Variants in STXBP4 observed in about 807,000 individuals in gnomAD.
The protein encoded by STXBP4 is syntaxin-binding protein 4.
Under a neutral mutation model 76.1 loss-of-function variants are expected in STXBP4, and 55 were observed. That is an observed-to-expected ratio of 0.72 (90% CI 0.58 to 0.91). The LOEUF (loss-of-function observed/expected upper bound fraction) is 0.91. STXBP4 is among the 40% of genes least tolerant of loss of function. The pLI, the probability that STXBP4 is intolerant of heterozygous loss-of-function variation, is 0.00. For missense variants in STXBP4, 618 were observed against 636.9 expected (o/e 0.97, Z 0.32); for synonymous variants, 201 against 220.2 (o/e 0.91, Z 0.77).
intron 8 of STXBP4, among the ~76,000 whole-genome samples, chr17:55,011,896 G>A (rs1459040411): frequency 2.6e-5 from 4 of 152,058 alleles, no homozygotes; most frequent in African/African-American, 7.2e-5. Context: ...GCCGACGACC[G>A]CTCTAACTGC....
intron 8 of STXBP4, among the ~76,000 whole-genome samples, chr17:55,019,157 T>A (rs1160747920): frequency 6.6e-6 from 1 of 152,262 alleles, no homozygotes; most frequent in African/African-American, 2.4e-5. Context: ...TATAATATAG[T>A]TTGAAGTATT....
In STXBP4 at chr17:55,168,188, A is replaced by G. The variant is rs2080386537; in HGVS notation, c.*8277A>G. 1 of 151,290 alleles carries G rather than the reference A, an allele frequency of 6.6e-6. No homozygotes were observed. Among genetic ancestry groups the G allele is most frequent in the Non-Finnish European group, 1.5e-5 (1 of 67,800 alleles). 9.4% of individuals were successfully genotyped at this position (151,290 alleles called of 1,614,324 possible). ...AGAATGCATACATACACACACATACACTTAGTATATGTGTGTGTGTGTGTG... is the reference window on the plus strand; with the variant it reads ...AGAATGCATACATACACACACATACGCTTAGTATATGTGTGTGTGTGTGTG... On this transcript the variant is annotated 3_prime_UTR_variant, in exon 18 of 18. Coordinates refer to ENST00000376352, the MANE Select transcript of STXBP4 (RefSeq NM_178509.6).
intron 12 of STXBP4, among the ~76,000 whole-genome samples, chr17:55,068,875 A>T (rs2079085801): frequency 6.6e-6 from 1 of 152,076 alleles, no homozygotes; most frequent in South Asian, 2.1e-4. Context: ...TTCAAAGCCC[A>T]TGTTTTTTCA....
intron 5 of STXBP4, 26 bp downstream of exon 5, chr17:54,999,477 A>G (rs374365174): frequency 6.3e-7 from 1 of 1,575,096 alleles, no homozygotes. Context: ...ATGAGATAGA[A>G]TGAGTCATTT....
In STXBP4 at chr17:55,172,115, T is replaced by C. The variant is rs2080409740; in HGVS notation, c.*12204T>C. On this transcript the variant is annotated 3_prime_UTR_variant, in exon 18 of 18. Coordinates refer to ENST00000376352, the MANE Select transcript of STXBP4 (RefSeq NM_178509.6). ...TTCTTGTGGAGGGAGCTCACTCAAC[T>C]GTAGGTAAGGTTTGACTCATCTGGG... The C allele has an allele frequency of 6.6e-6, 1 of 152,252 alleles. No individual in the cohort carries two copies. The highest frequency in any genetic ancestry group is 1.5e-5 in the Non-Finnish European group (1 of 68,072). The allele number at this position is 152,252 out of a possible 1,614,324, so 9.4% of individuals were successfully genotyped here.
At position 54,999,636 on chromosome 17, in the gene STXBP4, G is replaced by C; in HGVS notation, c.292G>C (p.Glu98Gln). ...GTGATTTCTTTTTAGTACTAGGTTA[G>C]AATCTGCTTGGGAGATAGCATTCAT... ...SIITGAKLRL[E>Q]SAWEIAFIRQ... Residue 98 changes from glutamate (E) to glutamine (Q), a missense_variant, in exon 6 of 18, where the codon GAA becomes CAA. Transcript: ENST00000376352. The C allele has an allele frequency of 6.2e-7, 1 of 1,612,938 alleles. No individual in the cohort carries two copies. The highest frequency in any genetic ancestry group is 8.5e-7 in the Non-Finnish European group (1 of 1,179,456).
chr17:55,049,693 A>G (rs1289397792), intron 12 of STXBP4, among the ~76,000 whole-genome samples: 4 of 152,020 alleles, frequency 2.6e-5, no homozygotes, highest in African/African-American at 9.6e-5. Context: ...CAACATAAGA[A>G]AATTTTATAG....
chr17:55,116,047 G>T (rs756913757), intron 16 of STXBP4, among the ~76,000 whole-genome samples: 1 of 151,688 alleles, frequency 6.6e-6, no homozygotes, highest in Non-Finnish European at 1.5e-5. Flanking sequence ...TCTAGGGAGC[G>T]GTGCCTTATT....
intron 8 of STXBP4, among the ~76,000 whole-genome samples, chr17:55,024,077 G>A (rs1432670501): frequency 4.6e-5 from 7 of 152,052 alleles, no homozygotes; most frequent in South Asian, 2.1e-4. Flanking sequence ...TGCCCTCTGC[G>A]AAAATGAAAA....
At chr17:55,002,044 T>C (rs2077929550) in intron 7 of STXBP4, among the ~76,000 whole-genome samples, 1 of 152,240 alleles carries the variant, frequency 6.6e-6, no homozygotes, top group Admixed American at 6.5e-5. Context: ...CCATGAGTTA[T>C]ATTACCTTTT....
At chr17:55,014,306 G>A (rs1180699081) in intron 8 of STXBP4, among the ~76,000 whole-genome samples, 5 of 152,086 alleles carry the variant, frequency 3.3e-5, no homozygotes, top group Admixed American at 6.6e-5. Flanking sequence ...GACAACAAAC[G>A]GGTGTTCCTT....
In STXBP4 at chr17:55,162,478, T is replaced by G. The variant is rs868412123; in HGVS notation, c.*2567T>G. The G allele has an allele frequency of 1.3e-5, 2 of 152,140 alleles. No homozygotes were observed. Among genetic ancestry groups the G allele is most frequent in the Admixed American group, 6.5e-5 (1 of 15,284 alleles). The allele number at this position is 152,140 out of a possible 1,614,324, so 9.4% of individuals were successfully genotyped here. ...TCACTCATTCCCTCAAAATATTTAT[T>G]GAGCACCAACAATGTCACAAGCACT... On this transcript the variant is annotated 3_prime_UTR_variant, in exon 18 of 18. Transcript: ENST00000376352.
chr17:55,042,654 T>C (rs552608398), intron 10 of STXBP4, among the ~76,000 whole-genome samples: 2 of 152,160 alleles, frequency 1.3e-5, no homozygotes, highest in Admixed American at 6.6e-5. Flanking sequence ...GTACGAGATA[T>C]GGTCATCTCT....
chr17:55,099,526 T>C (rs1424605337), intron 16 of STXBP4, among the ~76,000 whole-genome samples: 1 of 152,200 alleles, frequency 6.6e-6, no homozygotes, highest in Non-Finnish European at 1.5e-5. Context: ...TGCTAAGTAT[T>C]TGTGTATCTA....
rs556110897 is a variant in STXBP4 at position 55,162,742 on chromosome 17, T to G, written c.*2831T>G. The G allele has an allele frequency of 6.6e-6, 1 of 152,342 alleles. No individual in the cohort carries two copies. Among genetic ancestry groups the G allele is most frequent in the South Asian group, 2.1e-4 (1 of 4,832 alleles). The allele number at this position is 152,342 out of a possible 1,614,324, so 9.4% of individuals were successfully genotyped here. A position where few individuals can be genotyped will look rare whatever the true frequency, so the allele number is the denominator to read the frequency against. ...TTCCAGAGGTAGCAGTCACTAATACTGTGGTGAGTGATTTTACTCAAAGGA... is the reference window on the plus strand; with the variant it reads ...TTCCAGAGGTAGCAGTCACTAATACGGTGGTGAGTGATTTTACTCAAAGGA... On this transcript the variant is annotated 3_prime_UTR_variant, in exon 18 of 18. Coordinates refer to ENST00000376352, the MANE Select transcript of STXBP4 (RefSeq NM_178509.6).
intron 16 of STXBP4, among the ~76,000 whole-genome samples, chr17:55,115,286 C>T (rs971347800): frequency 5.3e-5 from 8 of 151,772 alleles, no homozygotes; most frequent in African/African-American, 1.9e-4. Flanking sequence ...ATAAGTGCAA[C>T]ACATGATCAT....
chr17:55,004,699 G>A (rs984158381), intron 7 of STXBP4, among the ~76,000 whole-genome samples: 4 of 151,538 alleles, frequency 2.6e-5, no homozygotes, highest in Non-Finnish European at 4.4e-5. Flanking sequence ...AGACCAAGAC[G>A]CCTCTAAAGA....
intron 16 of STXBP4, among the ~76,000 whole-genome samples, chr17:55,125,516 T>G: frequency 7.1e-6 from 1 of 141,024 alleles, no homozygotes; most frequent in African/African-American, 2.6e-5. Context: ...TTGAAGCTTC[T>G]GGAAAGTGAA....
At chr17:55,047,448 T>C (rs1252008256) in intron 12 of STXBP4, among the ~76,000 whole-genome samples, 2 of 151,916 alleles carry the variant, frequency 1.3e-5, no homozygotes, top group Non-Finnish European at 2.9e-5. Context: ...TACTTCTCCA[T>C]TGTTTTTTCT....
Sources: gnomAD v4.1 joint callset for allele counts (sites outside exome capture counted in the v4.1 genomes callset) on GRCh38, gnomAD v4.1.1 for gene constraint, MANE v1.5 for transcripts, NCBI Gene and HGNC (gene_info 2026-07-23, HGNC 2026-07-21) for gene names.